FTO: variants seen among roughly 807,000 people sequenced by gnomAD.
FTO encodes the protein FTO alpha-ketoglutarate dependent dioxygenase.
In FTO, 47 loss-of-function variants were observed where a neutral mutation model predicts 63.9. That is an observed-to-expected ratio of 0.74 (90% CI 0.58 to 0.94). The LOEUF is 0.94. Among genes scored for constraint, FTO ranks in the 40% least tolerant of loss-of-function variants. The probability of loss-of-function intolerance (pLI) is 0.00; values close to 1 mark genes in which losing one functional copy is unlikely to be tolerated. For missense variants in FTO, 562 were observed against 618.1 expected (o/e 0.91, Z 0.96); for synonymous variants, 207 against 224.4 (o/e 0.92, Z 0.69).
intron 1 of FTO, among the ~76,000 whole-genome samples, chr16:53,761,235 AT>A (rs1421898391): frequency 1.3e-5 from 2 of 149,780 alleles, no homozygotes; most frequent in Admixed American, 1.3e-4. Context: ...TAACTGGGAC[AT>A]CAGGCGCACA....
At position 53,884,517 on chromosome 16, in the gene FTO, T is replaced by G. The variant is rs1034327120; in HGVS notation, c.1120-4315T>G. Reference sequence around the variant, plus strand: ...TTCTTTCCGTTATTACAGTGAGACATTAATCCCAAGGGGCGCAGTCACACA... The same window carrying G: ...TTCTTTCCGTTATTACAGTGAGACAGTAATCCCAAGGGGCGCAGTCACACA... On this transcript the variant is annotated intron_variant, in intron 6 of 8. Transcript: ENST00000471389. Among the ~76,000 whole-genome samples, 10 of 152,188 alleles carry G rather than the reference T, an allele frequency of 6.6e-5. 1 individual carries two copies. Among genetic ancestry groups the G allele is most frequent in the African/African-American group, 2.4e-4 (10 of 41,432 alleles).
At chr16:53,845,337 T>C (rs902201458) in intron 4 of FTO, among the ~76,000 whole-genome samples, 6 of 152,294 alleles carry the variant, frequency 3.9e-5, no homozygotes, top group African/African-American at 1.2e-4. Flanking sequence ...AATTGGGTAT[T>C]TTAGAGTCTA....
intron 8 of FTO, among the ~76,000 whole-genome samples, chr16:53,966,087 C>G (rs1029683109): frequency 1.3e-5 from 2 of 152,090 alleles, no homozygotes; most frequent in Non-Finnish European, 2.9e-5. Context: ...AGGCTGATCT[C>G]GAACTCCTGG....
chr16:53,704,242 C>T lies in FTO; in HGVS notation c.45+13C>T. 1 of 1,551,330 alleles carries T rather than the reference C, an allele frequency of 6.4e-7. No individual in the cohort carries two copies. The highest frequency in any genetic ancestry group is 8.7e-7 in the Non-Finnish European group (1 of 1,146,702). On this transcript the variant is annotated intron_variant, in intron 1 of 8. Coordinates refer to ENST00000471389, the MANE Select transcript of FTO (RefSeq NM_001080432.3). The stretch of plus-strand genomic sequence containing the variant: ...GCGCGAAGCTAAGGTATGTCGGGCT[C>T]CCGGGGCCTGGAGATCTTCGTGCGC...
At chr16:53,742,575 T>C (rs913757660) in intron 1 of FTO, among the ~76,000 whole-genome samples, 1 of 152,218 alleles carries the variant, frequency 6.6e-6, no homozygotes, top group Non-Finnish European at 1.5e-5. Context: ...TTGCTGTTAC[T>C]TAAAATCACA....
rs543521800 is a variant in FTO at position 54,086,840 on chromosome 16, A to G, written c.1365-24922A>G. Among the ~76,000 whole-genome samples the G allele has an allele frequency of 2.6e-5, 4 of 152,346 alleles. 1 individual carries two copies. The East Asian group carries it at 7.7e-4, about 29-fold the overall frequency. ...GCAACTGAGGTGCCTAAAAGCAAACACTTAGGGGAGGGGTCGTGAACTGAA... is the reference window on the plus strand; with the variant it reads ...GCAACTGAGGTGCCTAAAAGCAAACGCTTAGGGGAGGGGTCGTGAACTGAA... On this transcript the variant is annotated intron_variant, in intron 8 of 8. Transcript: ENST00000471389.
At chr16:54,013,758 C>T (rs1482040519) in intron 8 of FTO, among the ~76,000 whole-genome samples, 1 of 152,138 alleles carries the variant, frequency 6.6e-6, no homozygotes, top group East Asian at 1.9e-4. Context: ...GTATGTACAT[C>T]GTTTTTTACA....
chr16:53,787,126 A>G (rs1361494665), intron 1 of FTO, among the ~76,000 whole-genome samples: 2 of 149,318 alleles, frequency 1.3e-5, no homozygotes, highest in Non-Finnish European at 3.0e-5. Context: ...AAAAAAAAAA[A>G]AAAAAAAAAA....
At chr16:53,962,924 G>A (rs539283284) in intron 8 of FTO, among the ~76,000 whole-genome samples, 1 of 152,040 alleles carries the variant, frequency 6.6e-6, no homozygotes, top group South Asian at 2.1e-4. Context: ...ATATGAGATG[G>A]GTAGATTATG....
At chr16:53,951,643 T>C (rs934748347) in intron 8 of FTO, among the ~76,000 whole-genome samples, 1 of 151,894 alleles carries the variant, frequency 6.6e-6, no homozygotes, top group African/African-American at 2.4e-5. Flanking sequence ...AATTTTGAAA[T>C]CATGCACTCT....
At chr16:53,775,876 TTTTAA>T (rs2077447619) in intron 1 of FTO, among the ~76,000 whole-genome samples, 2 of 152,174 alleles carry the variant, frequency 1.3e-5, no homozygotes, top group South Asian at 4.1e-4. Flanking sequence ...TACTAAGGCA[TTTTAA>T]TTTTATTACC....
chr16:53,852,101 C>CAAAAAAAAAAACAAAAAAA (rs2079818643), intron 4 of FTO, among the ~76,000 whole-genome samples: 1 of 54,444 alleles, frequency 1.8e-5, no homozygotes, highest in African/African-American at 5.9e-5. Flanking sequence ...ACAAAAAATA[C>CAAAAAAAAAAACAAAAAAA]AAAAAAAAAA....
At chr16:53,936,476 C>G (rs1019483872) in intron 8 of FTO, among the ~76,000 whole-genome samples, 17 of 152,184 alleles carry the variant, frequency 1.1e-4, no homozygotes, top group Non-Finnish European at 5.9e-5. Context: ...CTTTCTTTTC[C>G]TCATCAAAGT....
chr16:53,762,509 T>C (rs185377115), intron 1 of FTO, among the ~76,000 whole-genome samples: 2 of 152,246 alleles, frequency 1.3e-5, no homozygotes, highest in Non-Finnish European at 2.9e-5. Flanking sequence ...AATAGAGGCT[T>C]GATCAGACAA....
At chr16:53,857,742 T>C (rs1229266564) in intron 4 of FTO, among the ~76,000 whole-genome samples, 2 of 152,184 alleles carry the variant, frequency 1.3e-5, no homozygotes, top group Non-Finnish European at 2.9e-5. Flanking sequence ...GAAACTGTTC[T>C]TCCTACTCAT....
chr16:54,061,775 A>G (rs2085583190), intron 8 of FTO: 1 of 152,180 alleles, frequency 6.6e-6, no homozygotes, highest in Non-Finnish European at 1.5e-5. Context: ...CTGAAGCCCC[A>G]AAATATAGTG....
chr16:53,899,566 G>A (rs2081352328), intron 7 of FTO, among the ~76,000 whole-genome samples: 1 of 152,158 alleles, frequency 6.6e-6, no homozygotes, highest in African/African-American at 2.4e-5. Flanking sequence ...CTTTGGGTAT[G>A]CAATAGCTTT....
chr16:53,814,788 A>G lies in FTO; in HGVS notation c.123+4571A>G, dbSNP rs192744128. The G allele has an allele frequency of 5.3e-5, 8 of 152,310 alleles. No homozygotes were observed. The South Asian group carries it at 6.2e-4, about 12-fold the overall frequency. The allele number at this position is 152,310 out of a possible 1,614,324, so 9.4% of individuals were successfully genotyped here. ...AGCTACATCTAACTCAACATGATTC[A>G]TATTCATTAAGTTACTTACTCCATT... On this transcript the variant is annotated intron_variant, in intron 2 of 8. Transcript: ENST00000471389.
At chr16:53,736,662 T>C (rs899930500) in intron 1 of FTO, among the ~76,000 whole-genome samples, 2 of 152,230 alleles carry the variant, frequency 1.3e-5, no homozygotes, top group African/African-American at 4.8e-5. Context: ...CCAATTTCTG[T>C]TTCACATTGC....
Sources: gnomAD v4.1 joint callset for allele counts (sites outside exome capture counted in the v4.1 genomes callset) on GRCh38, gnomAD v4.1.1 for gene constraint, MANE v1.5 for transcripts, NCBI Gene and HGNC (gene_info 2026-07-23, HGNC 2026-07-21) for gene names.